The following TSHZ2 variants were observed in gnomAD, a reference collection of about 807,000 sequenced individuals.
TSHZ2 encodes the protein teashirt homolog 2.
Under a neutral mutation model 74.4 loss-of-function variants are expected in TSHZ2, and 21 were observed. That is an observed-to-expected ratio of 0.28 (90% CI 0.20 to 0.41). The LOEUF is 0.41. TSHZ2 is among the 10% of genes least tolerant of loss of function. The probability of loss-of-function intolerance (pLI) is 1.00; values close to 1 mark genes in which losing one functional copy is unlikely to be tolerated. For missense variants in TSHZ2, 1,244 were observed against 1,293.5 expected (o/e 0.96, Z 0.59); for synonymous variants, 540 against 515.3 (o/e 1.05, Z -0.65).
chr20:53,209,442 G>A (rs1989249300), intron 1 of TSHZ2, among the ~76,000 whole-genome samples: 1 of 152,224 alleles, frequency 6.6e-6, no homozygotes. Flanking sequence ...ACTGTGCAGT[G>A]CAGAGGGACT....
intron 2 of TSHZ2, among the ~76,000 whole-genome samples, chr20:53,287,792 G>T (rs559161820): frequency 6.6e-6 from 1 of 152,022 alleles, no homozygotes; most frequent in Middle Eastern, 3.2e-3. Context: ...CATTTTTTAG[G>T]AGTTAATATT....
chr20:53,403,518 TGAG>T (rs1982743410), intron 2 of TSHZ2, among the ~76,000 whole-genome samples: 1 of 151,718 alleles, frequency 6.6e-6, no homozygotes, highest in South Asian at 2.1e-4. Context: ...CACCAAGAAG[TGAG>T]GAGTAGAGAA....
chr20:53,473,102 G>C (rs1985877811), intron 2 of TSHZ2, among the ~76,000 whole-genome samples: 1 of 148,818 alleles, frequency 6.7e-6, no homozygotes, highest in Non-Finnish European at 1.5e-5. Flanking sequence ...CATTGCCCAG[G>C]CTTGCTTAGG....
At chr20:53,269,822 T>A (rs191771530) in intron 2 of TSHZ2, among the ~76,000 whole-genome samples, 1 of 151,210 alleles carries the variant, frequency 6.6e-6, no homozygotes, top group Non-Finnish European at 1.5e-5. Context: ...AGAAAATCCA[T>A]GTCATTGATA....
At chr20:53,309,933 G>A (rs114780526) in intron 2 of TSHZ2, among the ~76,000 whole-genome samples, 86 of 152,272 alleles carry the variant, frequency 5.6e-4, no homozygotes, top group African/African-American at 9.6e-4. Flanking sequence ...ACTCCATCTC[G>A]TTATTGGACA....
intron 1 of TSHZ2, among the ~76,000 whole-genome samples, chr20:53,046,351 C>A (rs1170982114): frequency 6.6e-6 from 1 of 152,110 alleles, no homozygotes; most frequent in Non-Finnish European, 1.5e-5. Context: ...CTGGACTGGT[C>A]TTTTCATCCA....
chr20:53,254,857 G>C lies in TSHZ2; in HGVS notation c.1399G>C (p.Glu467Gln). The change falls in exon 2 of 3, where the codon GAA becomes CAA. Residue 467 changes from glutamate (E) to glutamine (Q), a missense_variant. By Grantham distance (29) the Glu-to-Gln change is conservative. Around this residue, in one of 6 missense-constraint regions of TSHZ2, gnomAD observed 562 missense variants for 544.0 expected, o/e 1.03. Coordinates refer to ENST00000371497, the MANE Select transcript of TSHZ2 (RefSeq NM_173485.6). ...TTELKKESKK[E>Q]RPEETSKDEK... Reference sequence around the variant, plus strand: ...TGAGTTAAAGAAAGAGAGTAAAAAAGAAAGGCCAGAGGAAACCAGCAAGGA... The same window carrying C: ...TGAGTTAAAGAAAGAGAGTAAAAAACAAAGGCCAGAGGAAACCAGCAAGGA... The C allele has an allele frequency of 6.2e-7, 1 of 1,614,096 alleles. No homozygotes were observed. The highest frequency in any genetic ancestry group is 8.5e-7 in the Non-Finnish European group (1 of 1,180,018).
chr20:53,026,795 A>G (rs1316293950), intron 1 of TSHZ2, among the ~76,000 whole-genome samples: 1 of 152,184 alleles, frequency 6.6e-6, no homozygotes, highest in East Asian at 1.9e-4. Flanking sequence ...TATCTTCAAC[A>G]TCTTTTCATA....
At chr20:53,176,016 G>A (rs1988328660) in intron 1 of TSHZ2, among the ~76,000 whole-genome samples, 1 of 152,196 alleles carries the variant, frequency 6.6e-6, no homozygotes, top group Non-Finnish European at 1.5e-5. Flanking sequence ...TGAAGAAGAT[G>A]AGTGTGCACA....
chr20:53,406,626 TATATC>T (rs1362125330), intron 2 of TSHZ2, among the ~76,000 whole-genome samples: 1 of 152,102 alleles, frequency 6.6e-6, no homozygotes, highest in Non-Finnish European at 1.5e-5. Context: ...CTTGAACAAA[TATATC>T]ATATCTACCA....
rs1413969151 is a variant in TSHZ2, at chr20:52,973,203, G to A, written c.-91G>A. On this transcript the variant is annotated 5_prime_UTR_variant, in exon 1 of 3. Coordinates refer to ENST00000371497, the MANE Select transcript of TSHZ2 (RefSeq NM_173485.6). ...TCCTAGGAGCCACCGGGCAAGAGGC[G>A]GAGGAGACCCAGAGAGGCCAGAGAG... 3 of 1,515,788 alleles carry A rather than the reference G, an allele frequency of 2.0e-6. No homozygotes were observed. The African/African-American group carries it at 4.2e-5, about 21-fold the overall frequency. The allele number at this position is 1,515,788 out of a possible 1,614,324, so 93.9% of individuals were successfully genotyped here.
rs530558798 is a variant in TSHZ2 at position 53,281,841 on chromosome 20, G to A, written c.*8+25270G>A. Among the ~76,000 whole-genome samples, 40 of 152,264 alleles carry A rather than the reference G, an allele frequency of 2.6e-4. 1 individual carries two copies. In the East Asian group the frequency reaches 7.3e-3, roughly 28 times the overall value. ...CTGTAAGCAAGGGCTGGGCTACCTTGGCTAATGACTGATTGACTCCACATC... is the reference window on the plus strand; with the variant it reads ...CTGTAAGCAAGGGCTGGGCTACCTTAGCTAATGACTGATTGACTCCACATC... On this transcript the variant is annotated intron_variant, in intron 2 of 2. Coordinates refer to ENST00000371497, the MANE Select transcript of TSHZ2 (RefSeq NM_173485.6).
chr20:53,288,605 C>T (rs1198041378), intron 2 of TSHZ2, among the ~76,000 whole-genome samples: 1 of 152,048 alleles, frequency 6.6e-6, no homozygotes, highest in Non-Finnish European at 1.5e-5. Flanking sequence ...TTTTAGGTGC[C>T]TACCATTGCC....
intron 1 of TSHZ2, among the ~76,000 whole-genome samples, chr20:53,201,426 C>T (rs565178667): frequency 2.6e-5 from 4 of 152,246 alleles, no homozygotes; most frequent in East Asian, 1.9e-4. Context: ...AATTGCATCA[C>T]GGTGACCTCT....
intron 2 of TSHZ2, among the ~76,000 whole-genome samples, chr20:53,321,254 G>A (rs1269635136): frequency 1.3e-5 from 2 of 151,822 alleles, no homozygotes; most frequent in Admixed American, 1.3e-4. Context: ...TTAAAGTTTG[G>A]TCCCTTATAT....
At chr20:53,298,310 AATTTC>A in intron 2 of TSHZ2, among the ~76,000 whole-genome samples, 1 of 152,348 alleles carries the variant, frequency 6.6e-6, no homozygotes. Flanking sequence ...AACACAAAAT[AATTTC>A]TAACGCAGTG....
rs139347142 is a variant in TSHZ2 at position 53,135,007 on chromosome 20, G to GACACACACAC, written c.41-118472_41-118463dup. Among the ~76,000 whole-genome samples, 1,324 of 148,702 alleles carry GACACACACAC rather than the reference G, an allele frequency of 8.9e-3. 9 individuals carry two copies. The highest frequency in any genetic ancestry group is 0.013 in the African/African-American group (544 of 40,484). ...ACACACACACATACATGCACATGCA[G>GACACACACAC]ACACACACACACACACACACACACA... On this transcript the variant is annotated intron_variant, in intron 1 of 2. Coordinates refer to ENST00000371497, the MANE Select transcript of TSHZ2 (RefSeq NM_173485.6).
At chr20:53,470,538 G>T (rs976703805) in intron 2 of TSHZ2, among the ~76,000 whole-genome samples, 1 of 152,070 alleles carries the variant, frequency 6.6e-6, no homozygotes, top group Admixed American at 6.5e-5. Flanking sequence ...ACACTTGGCC[G>T]GGCGCGGTGG....
chr20:53,409,279 A>G (rs542691644), intron 2 of TSHZ2, among the ~76,000 whole-genome samples: 2 of 152,182 alleles, frequency 1.3e-5, no homozygotes, highest in Non-Finnish European at 2.9e-5. Context: ...AAAAAAAATT[A>G]TCTTTCTAAA....
Sources: allele counts gnomAD v4.1 joint callset (sites outside exome capture counted in the v4.1 genomes callset), GRCh38; gene constraint gnomAD v4.1.1; regional missense constraint gnomAD v4.1.1; transcripts MANE v1.5; gene names NCBI Gene and HGNC (gene_info 2026-07-23, HGNC 2026-07-21).